COL16A1: variants seen among roughly 807,000 people sequenced by gnomAD.
COL16A1 encodes the protein collagen type XVI alpha 1 chain.
A neutral mutation model predicts 266.3 loss-of-function variants in COL16A1; 189 were observed. That is an observed-to-expected ratio of 0.71 (90% CI 0.63 to 0.80). COL16A1 has a LOEUF of 0.80. Ranked by LOEUF, COL16A1 falls within the 30% of genes least tolerant of loss-of-function variation. COL16A1 has a pLI of 0.00. For synonymous variants in COL16A1, 740 were observed against 782.3 expected (o/e 0.95, Z 0.90); for missense variants, 1,928 against 2,122.4 (o/e 0.91, Z 1.80).
In COL16A1 at chr1:31,656,117, C is replaced by T; in HGVS notation, c.4101+283G>A. 2.0e-6 allele frequency: 1 copy of T among 512,096 alleles called. No homozygotes were observed. The highest frequency in any genetic ancestry group is 3.5e-6 in the Non-Finnish European group (1 of 288,016). The allele number at this position is 512,096 out of a possible 1,614,324, so 31.7% of individuals were successfully genotyped here. A position where few individuals can be genotyped will look rare whatever the true frequency, so the allele number is the denominator to read the frequency against. ...GTTTACCTGAGGCCAGGACAAGGGC[C>T]TGGAATGTGAGCAGGAGCAAGGGAG... On this transcript the variant is annotated intron_variant, in intron 66 of 70. Coordinates refer to ENST00000373672, the MANE Select transcript of COL16A1 (RefSeq NM_001856.4). The surrounding 1 kb of genome is among the most constrained non-coding windows in gnomAD (Gnocchi z 4.2).
chr1:31,669,144 G>T (rs139443856), intron 49 of COL16A1, among the ~76,000 whole-genome samples: 15 of 152,168 alleles, frequency 9.9e-5, no homozygotes, highest in African/African-American at 3.6e-4. Flanking sequence ...TATCTCTCAG[G>T]TGCCCGTCGC....
chr1:31,680,772 G>A, intron 39 of COL16A1, 133 bp downstream of exon 39: 1 of 1,546,104 alleles, frequency 6.5e-7, no homozygotes. Flanking sequence ...GCAGCTTCAT[G>A]TGCACAGGCT....
rs760560711 is a variant in COL16A1 at position 31,653,584 on chromosome 1, G to A, written c.4612+15C>T. ...CTGCTCTGGATTCATGGTCTCAAAT[G>A]GTGGTATTTCCTACCTGGGGGGCCG... On this transcript the variant is annotated intron_variant, in intron 70 of 70. Coordinates refer to ENST00000373672, the MANE Select transcript of COL16A1 (RefSeq NM_001856.4). The A allele has an allele frequency of 1.2e-6, 2 of 1,611,828 alleles. No homozygotes were observed. Among genetic ancestry groups the A allele is most frequent in the African/African-American group, 2.7e-5 (2 of 74,718 alleles).
Position 31,652,690 on chromosome 1 carries a change from C to T in COL16A1, c.4776G>A (p.Gln1592=), listed in dbSNP as rs748743438. ...CCTTCATGGTTTTCATGGGTGGGTA[C>T]TGCTGCTCCATCGGCATGGCCCCAA... The part of the protein sequence containing the change: ...DCFGAMPMEQ[Q]YPPMKTMKGP... Residue 1592 remains glutamine (Q), a synonymous_variant, in exon 71 of 71, where the codon CAG becomes CAA. Coordinates refer to ENST00000373672, the MANE Select transcript of COL16A1 (RefSeq NM_001856.4). The surrounding 1 kb of genome is among the most constrained non-coding windows in gnomAD (Gnocchi z 4.8). The T allele has an allele frequency of 2.3e-5, 37 of 1,604,646 alleles. No homozygotes were observed. The highest frequency in any genetic ancestry group is 3.1e-5 in the Non-Finnish European group (36 of 1,177,182).
At position 31,698,399 on chromosome 1, in the gene COL16A1, G is replaced by A. The variant is rs968349504; in HGVS notation, c.390+84C>T. Reference sequence around the variant, plus strand: ...CACAGGATGGAGCAGGGAGACCCCAGAAGTCACAAGCCGGGATGAAAGGTG... The same window carrying A: ...CACAGGATGGAGCAGGGAGACCCCAAAAGTCACAAGCCGGGATGAAAGGTG... On this transcript the variant is annotated intron_variant, in intron 5 of 70. Coordinates refer to ENST00000373672, the MANE Select transcript of COL16A1 (RefSeq NM_001856.4). This position sits in a 1 kb window ranked among gnomAD's most constrained non-coding sequence, Gnocchi z 4.1. 1.3e-6 allele frequency: 2 copies of A among 1,585,728 alleles called. No individual in the cohort carries two copies. Among genetic ancestry groups the A allele is most frequent in the Non-Finnish European group, 1.7e-6 (2 of 1,164,382 alleles).
intron 51 of COL16A1, 64 bp from the exon 52 acceptor site, chr1:31,667,692 C>T (rs1341951660): frequency 5.5e-6 from 8 of 1,462,534 alleles, no homozygotes; most frequent in Admixed American, 1.9e-5. Flanking sequence ...GGCACTAATG[C>T]GAGGAGCGGA....
At position 31,657,218 on chromosome 1, in the gene COL16A1, C is replaced by T; in HGVS notation, c.4021-150G>A. 1.0e-6 allele frequency: 1 copy of T among 962,810 alleles called. No homozygotes were observed. The allele number at this position is 962,810 out of a possible 1,614,324, so 59.6% of individuals were successfully genotyped here. A position where few individuals can be genotyped will look rare whatever the true frequency, so the allele number is the denominator to read the frequency against. On this transcript the variant is annotated intron_variant, in intron 64 of 70. Coordinates refer to ENST00000373672, the MANE Select transcript of COL16A1 (RefSeq NM_001856.4). The surrounding 1 kb of genome is among the most constrained non-coding windows in gnomAD (Gnocchi z 6.4). ...CACCCTCTGACAATCTGGGCACAGG[C>T]CGTGGAAACTTAGACCCCCACCCCA...
chr1:31,692,694 G>C (rs748799707), intron 14 of COL16A1, 52 bp from the exon 15 acceptor site: 6 of 1,613,114 alleles, frequency 3.7e-6, no homozygotes, highest in Non-Finnish European at 5.1e-6. Context: ...CTGATGGGCT[G>C]CCAAGCGCAC....
At chr1:31,701,972 C>T (rs1644739884) in intron 2 of COL16A1, 149 bp downstream of exon 2, 3 of 1,190,830 alleles carry the variant, frequency 2.5e-6, no homozygotes, top group Non-Finnish European at 3.6e-6. Context: ...AGGGTGCCAA[C>T]ACCTCAGATC....
chr1:31,662,201 C>G lies in COL16A1; in HGVS notation c.3681+133G>C, dbSNP rs1641729060. 1.1e-5 allele frequency: 16 copies of G among 1,502,416 alleles called. No individual in the cohort carries two copies. In the South Asian group the frequency reaches 1.8e-4, roughly 17 times the overall value. 93.1% of individuals were successfully genotyped at this position (1,502,416 alleles called of 1,614,324 possible). A position where few individuals can be genotyped will look rare whatever the true frequency, so the allele number is the denominator to read the frequency against. ...GGGAGCTGGGGTAGAGGGAGACAGA[C>G]CGAGGGAGGGCATGGGTGCCCCCTG... On this transcript the variant is annotated intron_variant, in intron 58 of 70. Coordinates refer to ENST00000373672, the MANE Select transcript of COL16A1 (RefSeq NM_001856.4).
At position 31,695,169 on chromosome 1, in the gene COL16A1, A is replaced by C. The variant is rs1557691237; in HGVS notation, c.981+17T>G. The C allele has an allele frequency of 6.2e-7, 1 of 1,613,428 alleles. No homozygotes were observed. Among genetic ancestry groups the C allele is most frequent in the South Asian group, 1.1e-5 (1 of 90,952 alleles). ...GGCTCTTGCCCGCTCCACCCTGCAC[A>C]CCCTCCATTCACTCACATTGCTGTC... On this transcript the variant is annotated intron_variant, in intron 11 of 70. Transcript: ENST00000373672.
At position 31,698,284 on chromosome 1, in the gene COL16A1, AAG is replaced by A; in HGVS notation, c.391-114_391-113del. 1 of 1,545,416 alleles carries A rather than the reference AAG, an allele frequency of 6.5e-7. No homozygotes were observed. ...CACAGGAGGGGAACTGAGGCCCAGA[AAG>A]AGAAGAAAGCCGGCTGGGGTCAAGG... On this transcript the variant is annotated intron_variant, in intron 5 of 70. Coordinates refer to ENST00000373672, the MANE Select transcript of COL16A1 (RefSeq NM_001856.4). This position sits in a 1 kb window ranked among gnomAD's most constrained non-coding sequence, Gnocchi z 4.1.
rs761301665 is a variant in COL16A1, at chr1:31,684,843, T to C, written c.2030A>G (p.Glu677Gly). The C allele has an allele frequency of 7.4e-6, 12 of 1,613,838 alleles. No homozygotes were observed. In the East Asian group the frequency reaches 1.6e-4, roughly 21 times the overall value. ...GLPGKQGKAG[E>G]RGLKGQKGDA... ...CACCTTCTGCCCCTTCAGTCCACGCTCTCCAGCCTTGCCCTGAGGAGAAAG... is the reference window on the plus strand; with the variant it reads ...CACCTTCTGCCCCTTCAGTCCACGCCCTCCAGCCTTGCCCTGAGGAGAAAG... The change falls in exon 30 of 71, where the codon GAG (glutamate) becomes GGG (glycine). Residue 677 changes from glutamate (E) to glycine (G), a missense_variant. Physicochemically the swap from Glu to Gly is moderately conservative, Grantham distance 98 (BLOSUM62 -2). Coordinates refer to ENST00000373672, the MANE Select transcript of COL16A1 (RefSeq NM_001856.4).
rs1328893135 is a variant in COL16A1 at position 31,662,578 on chromosome 1, C to T, written c.3627+9G>A. The T allele has an allele frequency of 8.9e-6, 14 of 1,564,890 alleles. No individual in the cohort carries two copies. Among genetic ancestry groups the T allele is most frequent in the South Asian group, 1.2e-5 (1 of 85,072 alleles). On this transcript the variant is annotated intron_variant, in intron 57 of 70. Coordinates refer to ENST00000373672, the MANE Select transcript of COL16A1 (RefSeq NM_001856.4). The stretch of plus-strand genomic sequence containing the variant: ...ACACGTCTGCCACGCTGAAAGGGCA[C>T]ACACTCACCTGAATCCCAGGAGGTC...
In COL16A1 at chr1:31,692,504, G is replaced by A; in HGVS notation, c.1164C>T (p.Pro388=). The change falls in exon 16 of 71, where the codon CCC becomes CCT. Residue 388 remains proline, a synonymous_variant. Coordinates refer to ENST00000373672, the MANE Select transcript of COL16A1 (RefSeq NM_001856.4). ...CGCCTGTTGAGCCTGGGAGTCCTGA[G>A]GGTCCCTGAGATGAGGAAGGGAGAC... The part of the protein sequence containing the change: ...GEKGESGALG[P]SGLPGSTGEK... The A allele has an allele frequency of 6.2e-7, 1 of 1,613,882 alleles. No homozygotes were observed. Among genetic ancestry groups the A allele is most frequent in the South Asian group, 1.1e-5 (1 of 91,068 alleles).
Position 31,690,593 on chromosome 1 carries a change from T to A in COL16A1, c.1438-20A>T. 1 of 1,612,776 alleles carries A rather than the reference T, an allele frequency of 6.2e-7. No homozygotes were observed. The highest frequency in any genetic ancestry group is 1.1e-5 in the South Asian group (1 of 90,962). On this transcript the variant is annotated intron_variant, in intron 20 of 70. Coordinates refer to ENST00000373672, the MANE Select transcript of COL16A1 (RefSeq NM_001856.4). ...GCTGCCCTGTGGTCAGAAGAAAGGATAAGCGGGGAGCCTTCTGGCCAATGC... is the reference window on the plus strand; with the variant it reads ...GCTGCCCTGTGGTCAGAAGAAAGGAAAAGCGGGGAGCCTTCTGGCCAATGC...
At chr1:31,691,760 A>G in intron 17 of COL16A1, 118 bp from the exon 18 acceptor site, 1 of 1,142,214 alleles carries the variant, frequency 8.8e-7, no homozygotes, top group East Asian at 3.4e-5. Flanking sequence ...ACCAGAGCCC[A>G]CCCTGGTGCC....
chr1:31,690,393 C>A lies in COL16A1; in HGVS notation c.1483G>T (p.Gly495Trp). Residue 495 changes from glycine (G) to tryptophan (W), a missense_variant and splice_region_variant, in exon 22 of 71, where the codon GGG becomes TGG. Transcript: ENST00000373672. ...TTCTCTCCCTTCACACCTGGCTTCC[C>A]CTGTTAGAAAAGAGGCAATGGGCAT... The part of the protein sequence containing the change: ...PGKEGPGGKP[G>W]KPGVKGEKGD... 1 of 1,614,132 alleles carries A rather than the reference C, an allele frequency of 6.2e-7. No individual in the cohort carries two copies. The highest frequency in any genetic ancestry group is 1.7e-5 in the Admixed American group (1 of 60,024).
Position 31,685,984 on chromosome 1 carries a change from T to A in COL16A1, c.1884+107A>T. Reference sequence around the variant, plus strand: ...CATGCCTTGCTAAGGAGTCAGACTCTGCCCGACAGACAGCAAGGAGCCCCA... The same window carrying A: ...CATGCCTTGCTAAGGAGTCAGACTCAGCCCGACAGACAGCAAGGAGCCCCA... On this transcript the variant is annotated intron_variant, in intron 28 of 70. Coordinates refer to ENST00000373672, the MANE Select transcript of COL16A1 (RefSeq NM_001856.4). This position sits in a 1 kb window ranked among gnomAD's most constrained non-coding sequence, Gnocchi z 4.0. The A allele has an allele frequency of 6.5e-7, 1 of 1,540,414 alleles. No homozygotes were observed. Among genetic ancestry groups the A allele is most frequent in the Non-Finnish European group, 8.8e-7 (1 of 1,135,194 alleles).
Sources: allele counts gnomAD v4.1 joint callset (sites outside exome capture counted in the v4.1 genomes callset), GRCh38; gene constraint gnomAD v4.1.1; non-coding constraint Gnocchi (gnomAD v3.1); transcripts MANE v1.5; gene names NCBI Gene and HGNC (gene_info 2026-07-23, HGNC 2026-07-21).